ADAMTS18: variants seen among roughly 807,000 people sequenced by gnomAD.
ADAMTS18 encodes ADAM metallopeptidase with thrombospondin type 1 motif 18, also known as A disintegrin and metalloproteinase with thrombospondin motifs 18.
ADAMTS18 carries 157 observed loss-of-function variants against 165.9 expected under a neutral mutation model. The observed-to-expected ratio is 0.95, with a 90% CI of 0.83 to 1.08. ADAMTS18 has a LOEUF of 1.08. ADAMTS18 is among the 50% of genes least tolerant of loss of function. The pLI is 0.00. For missense variants in ADAMTS18, 2,040 were observed against 1,534.0 expected (o/e 1.33, Z -5.51); for synonymous variants, 782 against 578.2 (o/e 1.35, Z -5.06).
Position 77,362,118 on chromosome 16 carries a change from T to C in ADAMTS18, c.1203A>G (p.Pro401=), listed in dbSNP as rs760179404. ...GFDICSWKNE[P]CDTLGFAPIS... is the part of the protein sequence containing the mutation. ...TTCATACCATACCTAGAGTGTCACA[T>C]GGTTCATTCTTCCAAGAACAAATAT... The change falls in exon 7 of 23, where the codon CCA becomes CCG. Residue 401 remains proline (P), a synonymous_variant. Coordinates refer to ENST00000282849, the MANE Select transcript of ADAMTS18 (RefSeq NM_199355.4). The C allele has an allele frequency of 6.8e-6, 11 of 1,614,000 alleles. No homozygotes were observed. In the Admixed American group the frequency reaches 1.2e-4, roughly 17 times the overall value.
chr16:77,387,830 C>T (rs962745026), intron 3 of ADAMTS18, among the ~76,000 whole-genome samples: 1 of 152,098 alleles, frequency 6.6e-6, no homozygotes, highest in Non-Finnish European at 1.5e-5. Flanking sequence ...CTTTTCTATC[C>T]AGGAGTTTAT....
intron 10 of ADAMTS18, among the ~76,000 whole-genome samples, chr16:77,346,499 CA>C (rs1238667335): frequency 6.6e-6 from 1 of 152,018 alleles, no homozygotes; most frequent in East Asian, 1.9e-4. Context: ...AAGAACCTGG[CA>C]AACAGTATAT....
At chr16:77,415,558 T>C (rs2144837382) in intron 3 of ADAMTS18, among the ~76,000 whole-genome samples, 1 of 152,190 alleles carries the variant, frequency 6.6e-6, no homozygotes, top group South Asian at 2.1e-4. Flanking sequence ...TGTTTATTTC[T>C]GAACCAACTA....
At chr16:77,316,259 A>AT (rs34042252) in intron 16 of ADAMTS18, among the ~76,000 whole-genome samples, 7,959 of 147,370 alleles carry the variant, frequency 0.054, 573 homozygotes, top group African/African-American at 0.16. Flanking sequence ...GCCTGGTTGA[A>AT]TTTTTTTTTT....
chr16:77,312,275 C>T (rs1432955182), intron 16 of ADAMTS18, among the ~76,000 whole-genome samples: 5 of 151,392 alleles, frequency 3.3e-5, no homozygotes, highest in South Asian at 4.2e-4. Flanking sequence ...TTGTTCTCGT[C>T]GCCCAGGCTG....
At chr16:77,358,130 T>G (rs532003301) in intron 8 of ADAMTS18, among the ~76,000 whole-genome samples, 4 of 152,342 alleles carry the variant, frequency 2.6e-5, no homozygotes, top group African/African-American at 9.6e-5. Flanking sequence ...CATTTACAAT[T>G]TTAAAAATTG....
At chr16:77,344,475 T>C (rs957728112) in intron 10 of ADAMTS18, among the ~76,000 whole-genome samples, 3 of 151,986 alleles carry the variant, frequency 2.0e-5, no homozygotes, top group African/African-American at 7.3e-5. Flanking sequence ...TCAATCAATG[T>C]GGGTAAGAGA....
chr16:77,387,470 T>G (rs1356197643), intron 3 of ADAMTS18, among the ~76,000 whole-genome samples: 1 of 152,326 alleles, frequency 6.6e-6, no homozygotes, highest in South Asian at 2.1e-4. Flanking sequence ...AATCTCAAAA[T>G]GCACTACTCA....
intron 3 of ADAMTS18, among the ~76,000 whole-genome samples, chr16:77,415,725 C>CA (rs71137817): frequency 0.024 from 2,425 of 101,932 alleles, 116 homozygotes; most frequent in East Asian, 0.22. Context: ...GCTGGGTAGG[C>CA]AAAAAAAAAA....
intron 3 of ADAMTS18, among the ~76,000 whole-genome samples, chr16:77,370,162 T>C (rs1322063919): frequency 1.3e-5 from 2 of 152,192 alleles, no homozygotes; most frequent in African/African-American, 4.8e-5. Context: ...GCCTTTCCTC[T>C]AAGATCCAGA....
intron 3 of ADAMTS18, among the ~76,000 whole-genome samples, chr16:77,392,138 C>A (rs2057196267): frequency 6.6e-6 from 1 of 152,158 alleles, no homozygotes; most frequent in South Asian, 2.1e-4. Context: ...TGCTCTGGGA[C>A]AGAAGACAGA....
chr16:77,420,002 T>TAAAAAA (rs34486248), intron 3 of ADAMTS18, among the ~76,000 whole-genome samples: 96 of 91,240 alleles, frequency 1.1e-3, no homozygotes, highest in African/African-American at 2.1e-3. Flanking sequence ...TGTCGCAGAT[T>TAAAAAA]AAAAAAAAAA....
intron 6 of ADAMTS18, 131 bp from the exon 7 acceptor site, chr16:77,362,395 T>A: frequency 3.1e-6 from 3 of 959,498 alleles, no homozygotes; most frequent in Non-Finnish European, 4.8e-6. Context: ...TGAGCTAAGG[T>A]AGGAGACAGG....
chr16:77,283,529 C>T lies in ADAMTS18; in HGVS notation c.*427G>A, dbSNP rs2055188751. 1 of 199,684 alleles carries T rather than the reference C, an allele frequency of 5.0e-6. No individual in the cohort carries two copies. The highest frequency in any genetic ancestry group is 1.0e-5 in the Non-Finnish European group (1 of 96,932). The allele number at this position is 199,684 out of a possible 1,614,324, so 12.4% of individuals were successfully genotyped here. A position where few individuals can be genotyped will look rare whatever the true frequency, so the allele number is the denominator to read the frequency against. ...CTGTGAACTCCACGCAACAGTTAGG[C>T]AAGGTATTCCATCCAGATTTGAAAG... is the stretch of plus-strand genomic sequence containing the variant. On this transcript the variant is annotated 3_prime_UTR_variant, in exon 23 of 23. Transcript: ENST00000282849.
intron 16 of ADAMTS18, among the ~76,000 whole-genome samples, chr16:77,307,832 G>A (rs997485944): frequency 2.0e-5 from 3 of 152,190 alleles, no homozygotes; most frequent in African/African-American, 4.8e-5. Flanking sequence ...TTACCTTGGG[G>A]AGAATTCAGC....
chr16:77,331,430 G>A (rs897028103), intron 12 of ADAMTS18, among the ~76,000 whole-genome samples: 2 of 152,090 alleles, frequency 1.3e-5, no homozygotes, highest in African/African-American at 4.8e-5. Flanking sequence ...CAAAGTATCA[G>A]GAGGTTAAAT....
chr16:77,429,399 C>A (rs1286414335), intron 3 of ADAMTS18, among the ~76,000 whole-genome samples: 1 of 152,028 alleles, frequency 6.6e-6, no homozygotes, highest in African/African-American at 2.4e-5. Flanking sequence ...CTCATGAACA[C>A]AAAGAAGGGA....
intron 11 of ADAMTS18, among the ~76,000 whole-genome samples, chr16:77,339,603 A>AAC: frequency 6.6e-6 from 1 of 151,760 alleles, no homozygotes; most frequent in South Asian, 2.1e-4. Context: ...TCAATTAAAA[A>AAC]AAAAAACAAA....
intron 3 of ADAMTS18, among the ~76,000 whole-genome samples, chr16:77,372,176 A>T (rs1404843152): frequency 6.6e-6 from 1 of 152,154 alleles, no homozygotes; most frequent in Admixed American, 6.5e-5. Flanking sequence ...CAGGAATGTA[A>T]ATTAGTATAG....
Sources: gnomAD v4.1 joint callset for allele counts (sites outside exome capture counted in the v4.1 genomes callset) on GRCh38, gnomAD v4.1.1 for gene constraint, MANE v1.5 for transcripts, NCBI Gene and HGNC (gene_info 2026-07-23, HGNC 2026-07-21) for gene names.